The following CFAP65 variants were observed in gnomAD, a reference collection of about 807,000 sequenced individuals.
CFAP65 encodes cilia- and flagella-associated protein 65.
In CFAP65, 155 loss-of-function variants were observed where a neutral mutation model predicts 208.0. The observed-to-expected ratio is 0.75, with a 90% CI of 0.65 to 0.85. CFAP65 has a LOEUF of 0.85. Among genes scored for constraint, CFAP65 ranks in the 40% least tolerant of loss-of-function variants. CFAP65 has a pLI of 0.00. For synonymous variants in CFAP65, 970 were observed against 986.3 expected (o/e 0.98, Z 0.31); for missense variants, 2,294 against 2,451.3 (o/e 0.94, Z 1.36).
At chr2:219,037,480 A>G (rs1948435258) in intron 4 of CFAP65, among the ~76,000 whole-genome samples, 1 of 152,208 alleles carries the variant, frequency 6.6e-6, no homozygotes, top group African/African-American at 2.4e-5. Context: ...AGTTGGCAAC[A>G]AGAAGCTGCC....
intron 24 of CFAP65, among the ~76,000 whole-genome samples, chr2:219,012,047 G>GCCACTGAACCAGGAAGTGGGCCC (rs1946527498): frequency 2.0e-5 from 3 of 152,242 alleles, no homozygotes; most frequent in Admixed American, 2.0e-4. Context: ...ACAGCAAGAA[G>GCCACTGAACCAGGAAGTGGGCCC]CCACTGAACC....
chr2:219,018,509 G>A (rs1947056009), intron 21 of CFAP65: 1 of 152,744 alleles, frequency 6.5e-6, no homozygotes, highest in African/African-American at 2.4e-5. Flanking sequence ...GCGGGCTCCA[G>A]CAACGAGGCA....
intron 27 of CFAP65, 71 bp downstream of exon 27, chr2:219,009,871 G>A (rs1378479564): frequency 7.0e-7 from 1 of 1,431,472 alleles, no homozygotes; most frequent in African/African-American, 1.4e-5. Flanking sequence ...GGGGTGGTAT[G>A]GGATGGGGTC....
rs139880103 is a variant in CFAP65 at position 219,022,254 on chromosome 2, C to T, written c.2896G>A (p.Gly966Ser). 126 of 1,607,004 alleles carry T rather than the reference C, an allele frequency of 7.8e-5. No individual in the cohort carries two copies. The highest frequency in any genetic ancestry group is 9.3e-5 in the Non-Finnish European group (109 of 1,177,124). ...FQVGMWVWEAGLSPNANPAAT... is the reference protein window; with the variant it reads ...FQVGMWVWEASLSPNANPAAT... ...GCGGGGTTGGCATTTGGGGACAGGC[C>T]GGCTTCCCAGACCCACATCCCCACT... is the stretch of plus-strand genomic sequence containing the variant. Residue 966 changes from glycine to serine, a missense_variant, in exon 17 of 35, where the codon GGC becomes AGC. Gly to Ser is a moderately conservative substitution (Grantham distance 56). Transcript: ENST00000341552.
Position 219,009,970 on chromosome 2 carries a change from C to T in CFAP65, c.4424G>A (p.Trp1475Ter). Residue 1475 changes from tryptophan (W) to a stop codon, truncating the protein, a stop_gained, in exon 27 of 35, where the codon TGG becomes TAG. Transcript: ENST00000341552. LOFTEE classifies it high-confidence loss of function. Reference protein sequence around the residue: ...ISKNEEIAFSWQPSPLDFGEV... With the variant: ...ISKNEEIAFS ...CCCAAAATCTAGAGGACTTGGCTGCCAGGAGAAGGCAATTTCCTCGTTCTT... is the reference window on the plus strand; with the variant it reads ...CCCAAAATCTAGAGGACTTGGCTGCTAGGAGAAGGCAATTTCCTCGTTCTT... 1 of 1,612,280 alleles carries T rather than the reference C, an allele frequency of 6.2e-7. No homozygotes were observed. The highest frequency in any genetic ancestry group is 8.5e-7 in the Non-Finnish European group (1 of 1,179,398).
At position 219,003,721 on chromosome 2, in the gene CFAP65, G is replaced by GT. The variant is rs1945742519; in HGVS notation, c.5555+230dup. 6.6e-6 allele frequency among the ~76,000 whole-genome samples: 1 copy of GT among 152,170 alleles called. No individual in the cohort carries two copies. Among genetic ancestry groups the GT allele is most frequent in the African/African-American group, 2.4e-5 (1 of 41,434 alleles). On this transcript the variant is annotated intron_variant, in intron 33 of 34. Transcript: ENST00000341552. The surrounding 1 kb of genome is among the most constrained non-coding windows in gnomAD (Gnocchi z 4.4). The stretch of plus-strand genomic sequence containing the variant: ...TTTGCAGACTATAACAATTCTCCTG[G>GT]TAAGTTGGTAAATGTCAACAACTAG...
rs11676388 is a variant in CFAP65 at position 219,030,181 on chromosome 2, A to T, written c.1189T>A (p.Ser397Thr). 2.5e-6 allele frequency: 4 copies of T among 1,613,984 alleles called. No homozygotes were observed. Among genetic ancestry groups the T allele is most frequent in the Admixed American group, 3.3e-5 (2 of 60,008 alleles). Residue 397 changes from serine to threonine, a missense_variant, in exon 10 of 35, where the codon TCC becomes ACC. Ser to Thr is a moderately conservative substitution (Grantham distance 58). This residue lies in a region of CFAP65 where 867 missense variants were observed against 1,012.6 expected (regional missense o/e 0.86). Coordinates refer to ENST00000341552, the MANE Select transcript of CFAP65 (RefSeq NM_194302.4). ...TGGTCTTCGGCCAGTTCATCCGGGG[A>T]AATTTCAATCCTGAAGGGGGCATTT... The part of the protein sequence containing the change: ...AVNAPFRIEI[S>T]PDELAEDQAF...
intron 26 of CFAP65, 48 bp from the exon 27 acceptor site, chr2:219,010,133 G>T: frequency 6.5e-7 from 1 of 1,529,520 alleles, no homozygotes; most frequent in South Asian, 1.3e-5. Flanking sequence ...GCCAGGCATG[G>T]TGGCTCACGC....
intron 4 of CFAP65, among the ~76,000 whole-genome samples, chr2:219,036,460 T>TC (rs1489597064): frequency 6.6e-6 from 1 of 151,500 alleles, no homozygotes; most frequent in African/African-American, 2.4e-5. Flanking sequence ...TTTTTTTTTT[T>TC]AATTGTAAGA....
intron 19 of CFAP65, among the ~76,000 whole-genome samples, chr2:219,020,432 A>G (rs1298230940): frequency 6.6e-6 from 1 of 152,140 alleles, no homozygotes; most frequent in Non-Finnish European, 1.5e-5. Context: ...GCTGGAGAGC[A>G]GCGACACAAT....
chr2:219,037,417 C>CA (rs1465057954), intron 4 of CFAP65, among the ~76,000 whole-genome samples: 1 of 152,080 alleles, frequency 6.6e-6, no homozygotes, highest in Non-Finnish European at 1.5e-5. Flanking sequence ...AACAAACAAA[C>CA]AACAACAACA....
At chr2:219,014,262 G>A (rs1398345935) in intron 21 of CFAP65, 5 of 418,238 alleles carry the variant, frequency 1.2e-5, no homozygotes, top group East Asian at 3.6e-5. Context: ...TCTGGGCCAC[G>A]GCGACTCAAG....
chr2:219,029,781 G>A lies in CFAP65; in HGVS notation c.1385-113C>T, dbSNP rs958852535. The A allele has an allele frequency of 5.9e-6, 8 of 1,354,448 alleles. No homozygotes were observed. In the African/African-American group the frequency reaches 8.7e-5, roughly 15 times the overall value. 83.9% of individuals were successfully genotyped at this position (1,354,448 alleles called of 1,614,324 possible). A position where few individuals can be genotyped will look rare whatever the true frequency, so the allele number is the denominator to read the frequency against. ...TACAGGCCCAGAGCCCTGGCAGCCT[G>A]AGCAGAACTCCAGCATCACTGGATG... On this transcript the variant is annotated intron_variant, in intron 10 of 34. Transcript: ENST00000341552.
intron 21 of CFAP65, 173 bp downstream of exon 21, chr2:219,018,878 T>A: frequency 1.2e-6 from 1 of 809,614 alleles, no homozygotes. Flanking sequence ...AGGCCCGGAG[T>A]CCTGCTGGCA....
chr2:219,019,222 CA>C (rs1353502584), intron 20 of CFAP65, 43 bp from the exon 21 acceptor site: 2 of 1,562,112 alleles, frequency 1.3e-6, no homozygotes, highest in South Asian at 2.4e-5. Context: ...GGGATGGGGC[CA>C]GGGCAGGGCC....
chr2:219,040,889 C>G (rs894700643), intron 1 of CFAP65, among the ~76,000 whole-genome samples: 10 of 152,208 alleles, frequency 6.6e-5, no homozygotes, highest in African/African-American at 2.4e-4. Context: ...GCCTCCTCGC[C>G]TGTAAAATGT....
chr2:219,019,457 T>G, intron 20 of CFAP65, 49 bp downstream of exon 20: 1 of 1,490,238 alleles, frequency 6.7e-7, no homozygotes, highest in Non-Finnish European at 9.2e-7. Flanking sequence ...TGAACATCCC[T>G]AGATAGGCCC....
Position 219,003,899 on chromosome 2 carries a change from G to A in CFAP65, c.5555+53C>T. On this transcript the variant is annotated intron_variant, in intron 33 of 34. Transcript: ENST00000341552. The surrounding 1 kb of genome is among the most constrained non-coding windows in gnomAD (Gnocchi z 4.4). ...TCCTTGGCATCCCACTGCCTCCTAG[G>A]AACCTTCTGCACTTCGCCTCCCTCC... 3 of 1,566,140 alleles carry A rather than the reference G, an allele frequency of 1.9e-6. No homozygotes were observed. The highest frequency in any genetic ancestry group is 2.6e-6 in the Non-Finnish European group (3 of 1,153,894).
intron 15 of CFAP65, 32 bp from the exon 16 acceptor site, chr2:219,023,463 A>T: frequency 2.0e-6 from 3 of 1,467,288 alleles, no homozygotes; most frequent in Non-Finnish European, 2.8e-6. Flanking sequence ...CAGTGCCCTG[A>T]CCTCACTCTG....
Sources: gnomAD v4.1 joint callset for allele counts (sites outside exome capture counted in the v4.1 genomes callset) on GRCh38, gnomAD v4.1.1 for gene constraint, gnomAD v4.1.1 regional missense constraint, Gnocchi (gnomAD v3.1) non-coding constraint, MANE v1.5 for transcripts, NCBI Gene and HGNC (gene_info 2026-07-23, HGNC 2026-07-21) for gene names.